Variants in TLE4 observed in about 807,000 individuals in gnomAD.
TLE4 encodes TLE family member 4, transcriptional corepressor.
A neutral mutation model predicts 92.8 loss-of-function variants in TLE4; 8 were observed. The observed-to-expected ratio is 0.09, with a 90% CI of 0.05 to 0.16. TLE4 has a LOEUF of 0.16. Among genes scored for constraint, TLE4 ranks in the 10% least tolerant of loss-of-function variants. The probability of loss-of-function intolerance (pLI) is 1.00; values close to 1 mark genes in which losing one functional copy is unlikely to be tolerated. For missense variants in TLE4, 675 were observed against 997.6 expected, an observed-to-expected ratio of 0.68 and a Z score of 4.36; for synonymous variants, 371 against 374.1, an observed-to-expected ratio of 0.99 and a Z score of 0.10.
intron 8 of TLE4, among the ~76,000 whole-genome samples, chr9:79,654,945 C>A (rs185498430): frequency 1.2e-3 from 176 of 152,286 alleles, no homozygotes; most frequent in African/African-American, 4.2e-3. Flanking sequence ...AGATCGAGAC[C>A]ATCCTGGCCA....
intron 14 of TLE4, among the ~76,000 whole-genome samples, chr9:79,713,307 CAT>C (rs750287144): frequency 1.4e-4 from 21 of 152,318 alleles, no homozygotes; most frequent in African/African-American, 4.3e-4. Context: ...GTTTGACACA[CAT>C]GTTTTTAAAA....
chr9:79,667,742 C>T lies in TLE4; in HGVS notation c.609+13667C>T, dbSNP rs182560337. 5.9e-5 allele frequency among the ~76,000 whole-genome samples: 9 copies of T among 152,228 alleles called. No individual in the cohort carries two copies. The East Asian group carries it at 9.7e-4, about 16-fold the overall frequency. On this transcript the variant is annotated intron_variant, in intron 8 of 19. Coordinates refer to ENST00000376552, the MANE Select transcript of TLE4 (RefSeq NM_007005.6). ...AGCTTCGAAGTCAGGATTTTCTACACGACCCCACCCTCAATCTGGTCCACA... is the reference window on the plus strand; with the variant it reads ...AGCTTCGAAGTCAGGATTTTCTACATGACCCCACCCTCAATCTGGTCCACA...
At chr9:79,606,957 C>T (rs1421053574) in intron 4 of TLE4, among the ~76,000 whole-genome samples, 1 of 152,148 alleles carries the variant, frequency 6.6e-6, no homozygotes, top group Non-Finnish European at 1.5e-5. Context: ...GCCACACTGT[C>T]CTCCACAATG....
At chr9:79,663,203 AT>A (rs1277680661) in intron 8 of TLE4, among the ~76,000 whole-genome samples, 4 of 152,296 alleles carry the variant, frequency 2.6e-5, no homozygotes, top group Admixed American at 2.6e-4. Flanking sequence ...TTGAAGTTAT[AT>A]TTTTATGAAT....
chr9:79,597,958 C>A (rs961226878), intron 4 of TLE4, among the ~76,000 whole-genome samples: 1 of 150,914 alleles, frequency 6.6e-6, no homozygotes, highest in Non-Finnish European at 1.5e-5. Context: ...ACTGGCCTGG[C>A]GTGGTGGCTC....
intron 14 of TLE4, among the ~76,000 whole-genome samples, chr9:79,715,375 C>T (rs895485628): frequency 3.9e-5 from 6 of 152,128 alleles, no homozygotes; most frequent in Non-Finnish European, 5.9e-5. Flanking sequence ...CATCATCCCT[C>T]AGAACCTCAG....
intron 6 of TLE4, among the ~76,000 whole-genome samples, chr9:79,637,107 C>T (rs370515535): frequency 5.3e-5 from 8 of 152,050 alleles, no homozygotes; most frequent in African/African-American, 1.4e-4. Context: ...TTTATTTTGA[C>T]GTTAATGGAA....
At chr9:79,665,983 A>C (rs530903975) in intron 8 of TLE4, among the ~76,000 whole-genome samples, 1 of 152,272 alleles carries the variant, frequency 6.6e-6, no homozygotes, top group African/African-American at 2.4e-5. Flanking sequence ...TTTTATTTCT[A>C]TGTCTTGGAC....
chr9:79,604,636 C>T (rs1325372009), intron 4 of TLE4, among the ~76,000 whole-genome samples: 1 of 152,052 alleles, frequency 6.6e-6, no homozygotes, highest in African/African-American at 2.4e-5. Flanking sequence ...AAGAAGTAAA[C>T]AGACAAGGAA....
chr9:79,690,673 G>A (rs1462901475), intron 8 of TLE4, among the ~76,000 whole-genome samples: 1 of 149,750 alleles, frequency 6.7e-6, no homozygotes, highest in Admixed American at 6.6e-5. Flanking sequence ...AGGCTGGAGT[G>A]CAGTGGCACC....
intron 8 of TLE4, among the ~76,000 whole-genome samples, chr9:79,662,280 A>G (rs963436720): frequency 2.6e-5 from 4 of 152,154 alleles, no homozygotes; most frequent in Admixed American, 1.3e-4. Context: ...TTAAATTGCT[A>G]CTTTTCAAGT....
At chr9:79,583,754 A>T (rs1249997376) in intron 4 of TLE4, among the ~76,000 whole-genome samples, 1 of 152,256 alleles carries the variant, frequency 6.6e-6, no homozygotes, top group East Asian at 1.9e-4. Flanking sequence ...ATATAACTGG[A>T]AAGAATAGTC....
intron 6 of TLE4, among the ~76,000 whole-genome samples, chr9:79,638,511 C>T (rs2056460437): frequency 6.6e-6 from 1 of 151,854 alleles, no homozygotes; most frequent in South Asian, 2.1e-4. Flanking sequence ...TTTAAGGCAG[C>T]TCTATAGCTA....
At chr9:79,646,741 T>C (rs956850653) in intron 6 of TLE4, among the ~76,000 whole-genome samples, 18 of 152,182 alleles carry the variant, frequency 1.2e-4, no homozygotes, top group African/African-American at 3.4e-4. Context: ...AAGCCTACTG[T>C]AATATTTTAA....
At chr9:79,670,198 A>T (rs1249660518) in intron 8 of TLE4, among the ~76,000 whole-genome samples, 1 of 152,094 alleles carries the variant, frequency 6.6e-6, no homozygotes, top group East Asian at 1.9e-4. Context: ...AAATAAGAAA[A>T]AAAAAAGAAA....
At chr9:79,675,284 T>C (rs1226888721) in intron 8 of TLE4, among the ~76,000 whole-genome samples, 2 of 152,148 alleles carry the variant, frequency 1.3e-5, no homozygotes, top group African/African-American at 4.8e-5. Context: ...TTCCATTCCC[T>C]TTTTCCCTGC....
At chr9:79,697,055 A>T (rs1410469889) in intron 8 of TLE4, among the ~76,000 whole-genome samples, 1 of 152,220 alleles carries the variant, frequency 6.6e-6, no homozygotes, top group Non-Finnish European at 1.5e-5. Flanking sequence ...TATACTGAAA[A>T]AAATAATTCC....
At chr9:79,654,768 C>G (rs2059530957) in intron 8 of TLE4, among the ~76,000 whole-genome samples, 2 of 151,990 alleles carry the variant, frequency 1.3e-5, no homozygotes, top group African/African-American at 2.4e-5. Flanking sequence ...AGTAAGCAAA[C>G]AAGAAAAATA....
chr9:79,717,239 A>G (rs1218499189), intron 14 of TLE4, among the ~76,000 whole-genome samples: 2 of 152,110 alleles, frequency 1.3e-5, no homozygotes, highest in Non-Finnish European at 1.5e-5. Flanking sequence ...TCACCTCCCC[A>G]TAGGTGTACC....
Sources: allele counts gnomAD v4.1 joint callset (sites outside exome capture counted in the v4.1 genomes callset), GRCh38; gene constraint gnomAD v4.1.1; transcripts MANE v1.5; gene names NCBI Gene and HGNC (gene_info 2026-07-23, HGNC 2026-07-21).